CDC73: variants seen among roughly 807,000 people sequenced by gnomAD.
CDC73 encodes parafibromin.
CDC73 carries 21 observed loss-of-function variants against 83.7 expected under a neutral mutation model. The observed-to-expected ratio is 0.25, with a 90% CI of 0.18 to 0.36. CDC73 has a LOEUF of 0.36. CDC73 is among the 10% of genes least tolerant of loss of function. The pLI is 1.00. For missense variants in CDC73, 342 were observed against 653.3 expected (o/e 0.52, Z 5.19); for synonymous variants, 224 against 212.9 (o/e 1.05, Z -0.45).
chr1:193,219,241 A>G (rs1432761386), intron 13 of CDC73, among the ~76,000 whole-genome samples: 1 of 152,218 alleles, frequency 6.6e-6, no homozygotes, highest in Non-Finnish European at 1.5e-5. Flanking sequence ...TCAGAAAATA[A>G]TAGATCTTGG....
intron 10 of CDC73, among the ~76,000 whole-genome samples, chr1:193,162,250 A>ATATTT (rs1676344186): frequency 9.0e-5 from 11 of 121,642 alleles, no homozygotes; most frequent in East Asian, 2.2e-4. Flanking sequence ...AATATATAAT[A>ATATTT]AATATAGTAT....
At chr1:193,174,781 A>C (rs1294041268) in intron 10 of CDC73, among the ~76,000 whole-genome samples, 2 of 152,190 alleles carry the variant, frequency 1.3e-5, no homozygotes, top group Non-Finnish European at 2.9e-5. Flanking sequence ...TCCAGCCATC[A>C]TGAAGGCCTG....
rs1677133570 is a variant in CDC73 at position 193,203,870 on chromosome 1, T to G, written c.1030+18T>G. 1.2e-6 allele frequency: 2 copies of G among 1,610,876 alleles called. No homozygotes were observed. Among genetic ancestry groups the G allele is most frequent in the Non-Finnish European group, 8.5e-7 (1 of 1,177,220 alleles). Reference sequence around the variant, plus strand: ...AAGACCAGGTAGAAATATAGAACTTTGCTTTTTGTTTTCTTTCAAAAGATC... The same window carrying G: ...AAGACCAGGTAGAAATATAGAACTTGGCTTTTTGTTTTCTTTCAAAAGATC... On this transcript the variant is annotated intron_variant, in intron 11 of 16. Coordinates refer to ENST00000367435, the MANE Select transcript of CDC73 (RefSeq NM_024529.5).
intron 3 of CDC73, 46 bp downstream of exon 3, chr1:193,130,289 CT>C: frequency 2.7e-6 from 3 of 1,101,614 alleles, no homozygotes; most frequent in Non-Finnish European, 4.2e-6. Flanking sequence ...GACATTGTTT[CT>C]TTTTTCCCCT....
intron 13 of CDC73, among the ~76,000 whole-genome samples, chr1:193,219,194 TCA>T (rs1284827106): frequency 6.6e-6 from 1 of 152,192 alleles, no homozygotes; most frequent in Non-Finnish European, 1.5e-5. Context: ...AGATATCATC[TCA>T]CATCACACCA....
intron 13 of CDC73, among the ~76,000 whole-genome samples, chr1:193,222,856 A>G (rs1039245251): frequency 7.3e-6 from 1 of 137,900 alleles, no homozygotes; most frequent in African/African-American, 2.8e-5. Flanking sequence ...TTCTCATTCT[A>G]TCTTCCATGT....
chr1:193,249,711 C>T lies in CDC73; in HGVS notation c.1418-19C>T. 6.3e-7 allele frequency: 1 copy of T among 1,592,570 alleles called. No individual in the cohort carries two copies. The highest frequency in any genetic ancestry group is 1.1e-5 in the South Asian group (1 of 90,532). On this transcript the variant is annotated intron_variant, in intron 15 of 16. Transcript: ENST00000367435. Reference sequence around the variant, plus strand: ...TTATTTTGAGTAAAAATGATAACTTCTCTCCACCCTCTCTATAGTTAAAGC... The same window carrying T: ...TTATTTTGAGTAAAAATGATAACTTTTCTCCACCCTCTCTATAGTTAAAGC...
intron 10 of CDC73, among the ~76,000 whole-genome samples, chr1:193,199,211 A>G (rs561682783): frequency 6.6e-5 from 10 of 152,090 alleles, no homozygotes; most frequent in African/African-American, 1.9e-4. Flanking sequence ...TTTTAGCCTC[A>G]TTGTAATTTG....
At chr1:193,208,613 T>C (rs1677227065) in intron 11 of CDC73, among the ~76,000 whole-genome samples, 1 of 152,234 alleles carries the variant, frequency 6.6e-6, no homozygotes, top group African/African-American at 2.4e-5. Flanking sequence ...CTTCCAGACT[T>C]GTGACATGAA....
chr1:193,239,492 A>C (rs1445872175), intron 15 of CDC73, among the ~76,000 whole-genome samples: 1 of 152,188 alleles, frequency 6.6e-6, no homozygotes, highest in African/African-American at 2.4e-5. Context: ...ATTTGCATAA[A>C]ATTGCCAAAT....
intron 1 of CDC73, among the ~76,000 whole-genome samples, chr1:193,123,787 G>C (rs1454001640): frequency 6.6e-6 from 1 of 152,142 alleles, no homozygotes; most frequent in Non-Finnish European, 1.5e-5. Context: ...AACTTAGTCT[G>C]AATAGAGGAG....
At chr1:193,175,068 G>A (rs760383819) in intron 10 of CDC73, among the ~76,000 whole-genome samples, 8 of 152,146 alleles carry the variant, frequency 5.3e-5, no homozygotes, top group Non-Finnish European at 1.2e-4. Flanking sequence ...AAAAGATTGG[G>A]TAGAGGGATT....
chr1:193,171,355 A>T (rs1008105603), intron 10 of CDC73, among the ~76,000 whole-genome samples: 2 of 152,204 alleles, frequency 1.3e-5, no homozygotes, highest in Non-Finnish European at 2.9e-5. Context: ...AGAGGCCTCC[A>T]CTTAGAGTCT....
intron 6 of CDC73, 32 bp from the exon 7 acceptor site, chr1:193,141,818 C>T (rs2103126122): frequency 5.1e-6 from 7 of 1,361,326 alleles, no homozygotes; most frequent in Non-Finnish European, 7.3e-6. Flanking sequence ...GGAATGCCTG[C>T]TGTGAAAATT....
At chr1:193,138,056 T>C in intron 5 of CDC73, 29 bp from the exon 6 acceptor site, 1 of 1,526,500 alleles carries the variant, frequency 6.6e-7, no homozygotes, top group Non-Finnish European at 9.1e-7. Flanking sequence ...ATAAAAATTT[T>C]AAATGCATTA....
intron 15 of CDC73, among the ~76,000 whole-genome samples, chr1:193,242,935 T>C (rs568411453): frequency 1.3e-5 from 2 of 151,954 alleles, no homozygotes; most frequent in African/African-American, 2.4e-5. Context: ...ACTTTATTTC[T>C]TTTTCTTCTT....
chr1:193,138,235 G>T, intron 6 of CDC73, 62 bp downstream of exon 6: 1 of 1,110,428 alleles, frequency 9.0e-7, no homozygotes, highest in Non-Finnish European at 1.4e-6. Context: ...ATAAGGAAAA[G>T]GAATATTAAA....
rs183507034 is a variant in CDC73 at position 193,125,359 on chromosome 1, A to G, written c.237+142A>G. ...TTGCAGCCTCGAACTCCTAGGCTCA[A>G]GTGATCTTCCCACCTCTGCCTTCAA... is the stretch of plus-strand genomic sequence containing the variant. On this transcript the variant is annotated intron_variant, in intron 2 of 16. Coordinates refer to ENST00000367435, the MANE Select transcript of CDC73 (RefSeq NM_024529.5). 1.3e-3 allele frequency: 886 copies of G among 680,210 alleles called. 16 individuals are homozygous for G. The Admixed American group carries it at 0.017, about 13-fold the overall frequency. The allele number at this position is 680,210 out of a possible 1,614,324, so 42.1% of individuals were successfully genotyped here.
At chr1:193,169,399 G>A (rs1190860894) in intron 10 of CDC73, among the ~76,000 whole-genome samples, 4 of 152,124 alleles carry the variant, frequency 2.6e-5, no homozygotes, top group Non-Finnish European at 5.9e-5. Context: ...ACAAAAATTA[G>A]CTGGGCGTGG....
Sources: gnomAD v4.1 joint callset for allele counts (sites outside exome capture counted in the v4.1 genomes callset) on GRCh38, gnomAD v4.1.1 for gene constraint, MANE v1.5 for transcripts, NCBI Gene and HGNC (gene_info 2026-07-23, HGNC 2026-07-21) for gene names.